The following OXSR1 variants were observed in gnomAD, a reference collection of about 807,000 sequenced individuals.
The protein encoded by OXSR1 is oxidative stress responsive kinase 1.
A neutral mutation model predicts 79.8 loss-of-function variants in OXSR1; 24 were observed. The observed-to-expected ratio is 0.30, with a 90% CI of 0.22 to 0.42. The LOEUF (loss-of-function observed/expected upper bound fraction) is 0.42. OXSR1 is among the 10% of genes least tolerant of loss of function. The pLI, the probability that OXSR1 is intolerant of heterozygous loss-of-function variation, is 1.00. For synonymous variants in OXSR1, 226 were observed against 209.2 expected (o/e 1.08, Z -0.69); for missense variants, 430 against 618.4 (o/e 0.70, Z 3.23).
Position 38,165,636 on chromosome 3 carries a change from C to G in OXSR1, c.-241C>G. 2 of 501,778 alleles carry G rather than the reference C, an allele frequency of 4.0e-6. No homozygotes were observed. The highest frequency in any genetic ancestry group is 2.6e-5 in the South Asian group (1 of 38,790). The allele number at this position is 501,778 out of a possible 1,614,324, so 31.1% of individuals were successfully genotyped here. On this transcript the variant is annotated 5_prime_UTR_variant, in exon 1 of 18. Coordinates refer to ENST00000311806, the MANE Select transcript of OXSR1 (RefSeq NM_005109.3). ...GCGGAGGCCGAGGACAGGACGTGGG[C>G]TGGGCCGGGCAGTGCCGGACTCGGA...
chr3:38,217,637 T>G (rs1702509254), intron 5 of OXSR1, among the ~76,000 whole-genome samples: 1 of 152,118 alleles, frequency 6.6e-6, no homozygotes, highest in South Asian at 2.1e-4. Flanking sequence ...AAAAGATTCT[T>G]GTGCCTCAGC....
chr3:38,177,561 G>T (rs946109285), intron 1 of OXSR1, among the ~76,000 whole-genome samples: 10 of 151,886 alleles, frequency 6.6e-5, no homozygotes, highest in African/African-American at 2.4e-4. Flanking sequence ...TTTTCTTTTT[G>T]ATTTCCTTCC....
intron 10 of OXSR1, 124 bp from the exon 11 acceptor site, chr3:38,236,715 C>A: frequency 1.2e-6 from 1 of 855,002 alleles, no homozygotes; most frequent in Non-Finnish European, 1.7e-6. Context: ...TGTATGGGAA[C>A]ATTTATGGGG....
chr3:38,214,642 A>T (rs1275117070), intron 4 of OXSR1, among the ~76,000 whole-genome samples: 1 of 152,254 alleles, frequency 6.6e-6, no homozygotes, highest in Non-Finnish European at 1.5e-5. Flanking sequence ...GACTAGATTC[A>T]TGGAGTAAAG....
upstream of OXSR1, among the ~76,000 whole-genome samples, chr3:38,164,463 A>C (rs1701387919): frequency 6.6e-6 from 1 of 152,210 alleles, no homozygotes; most frequent in Non-Finnish European, 1.5e-5. Flanking sequence ...TCTTCCTTAA[A>C]GACTGCCGTT....
At chr3:38,182,387 C>T (rs1366348626) in intron 1 of OXSR1, among the ~76,000 whole-genome samples, 1 of 152,204 alleles carries the variant, frequency 6.6e-6, no homozygotes, top group Non-Finnish European at 1.5e-5. Flanking sequence ...CTGGGTTCAC[C>T]ACTGTCCTGG....
intron 4 of OXSR1, among the ~76,000 whole-genome samples, chr3:38,202,972 G>C (rs887380814): frequency 6.6e-6 from 1 of 152,148 alleles, no homozygotes; most frequent in African/African-American, 2.4e-5. Context: ...GCTTCTTGTA[G>C]AAGGCTGGAT....
intron 1 of OXSR1, among the ~76,000 whole-genome samples, chr3:38,181,456 A>G (rs1234453571): frequency 2.0e-5 from 3 of 151,474 alleles, no homozygotes; most frequent in Non-Finnish European, 4.4e-5. Flanking sequence ...CCCAGGTTCA[A>G]GTCATTCTCG....
Position 38,165,616 on chromosome 3 carries a change from G to A in OXSR1, c.-261G>A, listed in dbSNP as rs1297620380. ...AAGCTTCTGTCGCTGCTGCTGCGGA[G>A]GCCGAGGACAGGACGTGGGCTGGGC... On this transcript the variant is annotated 5_prime_UTR_variant, in exon 1 of 18. Coordinates refer to ENST00000311806, the MANE Select transcript of OXSR1 (RefSeq NM_005109.3). 1 of 465,192 alleles carries A rather than the reference G, an allele frequency of 2.1e-6. No individual in the cohort carries two copies. The highest frequency in any genetic ancestry group is 3.8e-5 in the East Asian group (1 of 26,626). The allele number at this position is 465,192 out of a possible 1,614,324, so 28.8% of individuals were successfully genotyped here. A position where few individuals can be genotyped will look rare whatever the true frequency, so the allele number is the denominator to read the frequency against.
At chr3:38,197,079 T>A (rs1702084085) in intron 3 of OXSR1, among the ~76,000 whole-genome samples, 1 of 152,242 alleles carries the variant, frequency 6.6e-6, no homozygotes, top group African/African-American at 2.4e-5. Flanking sequence ...TTTGGTATAA[T>A]CACTTTGCTT....
At chr3:38,199,910 G>T (rs1367052136) in intron 4 of OXSR1, among the ~76,000 whole-genome samples, 2 of 152,204 alleles carry the variant, frequency 1.3e-5, no homozygotes, top group Non-Finnish European at 2.9e-5. Flanking sequence ...CTTCCATTCA[G>T]TCCCTGTTGA....
In OXSR1 at chr3:38,252,905, A is replaced by G; in HGVS notation, c.*14A>G. The G allele has an allele frequency of 6.2e-7, 1 of 1,609,840 alleles. No homozygotes were observed. The stretch of plus-strand genomic sequence containing the variant: ...AGCATCAGCTAAACCACAACCCTGG[A>G]AGAGGCGGCCTAAGGAGATTCCACA... On this transcript the variant is annotated 3_prime_UTR_variant, in exon 18 of 18. Transcript: ENST00000311806.
Position 38,216,076 on chromosome 3 carries a change from C to CTTTT in OXSR1, c.435-8_435-5dup. ...AGAATAGATGTTTTTTGATACATAACTTTTTTTTTTTTTTTAAAGAGATGT... is the reference window on the plus strand; with the variant it reads ...AGAATAGATGTTTTTTGATACATAACTTTTTTTTTTTTTTTTTTTAAAGAGATGT... On this transcript the variant is annotated intron_variant, in intron 4 of 17. Transcript: ENST00000311806. 9.5e-6 allele frequency: 12 copies of CTTTT among 1,269,230 alleles called. No individual in the cohort carries two copies. Among genetic ancestry groups the CTTTT allele is most frequent in the South Asian group, 2.7e-5 (2 of 73,246 alleles). The allele number at this position is 1,269,230 out of a possible 1,614,324, so 78.6% of individuals were successfully genotyped here. A position where few individuals can be genotyped will look rare whatever the true frequency, so the allele number is the denominator to read the frequency against.
At chr3:38,227,588 A>C (rs1333516069) in intron 8 of OXSR1, among the ~76,000 whole-genome samples, 2 of 134,266 alleles carry the variant, frequency 1.5e-5, no homozygotes, top group Admixed American at 7.3e-5. Context: ...CACACACACA[A>C]ATGTACGTAT....
intron 4 of OXSR1, among the ~76,000 whole-genome samples, chr3:38,200,421 T>G (rs1351362887): frequency 2.0e-5 from 3 of 152,218 alleles, no homozygotes; most frequent in Non-Finnish European, 4.4e-5. Flanking sequence ...TAATGCCATG[T>G]TGTCCTTCAA....
chr3:38,229,286 T>C (rs888327901), intron 8 of OXSR1, among the ~76,000 whole-genome samples: 14 of 152,084 alleles, frequency 9.2e-5, no homozygotes, highest in African/African-American at 3.4e-4. Flanking sequence ...CATTTCCTCT[T>C]TGTGTGTTTA....
At chr3:38,166,816 T>A (rs1701473177) in intron 1 of OXSR1, among the ~76,000 whole-genome samples, 2 of 150,386 alleles carry the variant, frequency 1.3e-5, no homozygotes, top group African/African-American at 4.9e-5. Context: ...AAAAAAAAAT[T>A]TGAAGAGGCT....
At chr3:38,193,403 GAT>G (rs1367031594) in intron 3 of OXSR1, 1 of 1,287,530 alleles carries the variant, frequency 7.8e-7, no homozygotes, top group Non-Finnish European at 1.0e-6. Flanking sequence ...AGTATGGAGA[GAT>G]ATGGGAGTAT....
chr3:38,192,250 C>T (rs962629991), intron 3 of OXSR1, among the ~76,000 whole-genome samples: 1 of 152,122 alleles, frequency 6.6e-6, no homozygotes, highest in Admixed American at 6.6e-5. Flanking sequence ...CTTGTGTCCT[C>T]TTGACGTGAA....
Sources: gnomAD v4.1 joint callset for allele counts (sites outside exome capture counted in the v4.1 genomes callset) on GRCh38, gnomAD v4.1.1 for gene constraint, MANE v1.5 for transcripts, NCBI Gene and HGNC (gene_info 2026-07-23, HGNC 2026-07-21) for gene names.